The following LARS2 variants were observed in gnomAD, a reference collection of about 807,000 sequenced individuals.
The protein encoded by LARS2 is leucine--tRNA ligase, mitochondrial.
Under a neutral mutation model 116.6 loss-of-function variants are expected in LARS2, and 81 were observed. That is an observed-to-expected ratio of 0.69 (90% CI 0.58 to 0.84). LARS2 has a LOEUF of 0.84. Among genes scored for constraint, LARS2 ranks in the 40% least tolerant of loss-of-function variants. LARS2 has a pLI of 0.00. For missense variants in LARS2, 968 were observed against 1,114.5 expected, an observed-to-expected ratio of 0.87 and a Z score of 1.87; for synonymous variants, 396 against 407.2, an observed-to-expected ratio of 0.97 and a Z score of 0.33.
intron 8 of LARS2, among the ~76,000 whole-genome samples, chr3:45,465,901 C>T (rs375207897): frequency 3.9e-5 from 6 of 152,260 alleles, no homozygotes; most frequent in African/African-American, 1.4e-4. Context: ...CTCCACTGTC[C>T]GTCCCTGTCA....
intron 5 of LARS2, among the ~76,000 whole-genome samples, chr3:45,418,249 A>T (rs1233197807): frequency 6.6e-6 from 1 of 152,108 alleles, no homozygotes; most frequent in African/African-American, 2.4e-5. Flanking sequence ...GCCACCCCTT[A>T]GAGAGACAGA....
chr3:45,465,265 C>G (rs1699400569), intron 8 of LARS2, among the ~76,000 whole-genome samples: 2 of 152,316 alleles, frequency 1.3e-5, no homozygotes, highest in Non-Finnish European at 2.9e-5. Flanking sequence ...TCTGTTTTCC[C>G]TGCCTCTCCA....
At chr3:45,486,912 G>A (rs978950987) in intron 11 of LARS2, among the ~76,000 whole-genome samples, 4 of 151,978 alleles carry the variant, frequency 2.6e-5, no homozygotes, top group Non-Finnish European at 4.4e-5. Context: ...GAAAAAAATC[G>A]GATTTTTTTA....
intron 6 of LARS2, among the ~76,000 whole-genome samples, chr3:45,444,823 A>G (rs1698991582): frequency 6.6e-6 from 1 of 150,758 alleles, no homozygotes; most frequent in Admixed American, 6.6e-5. Flanking sequence ...TTACATATAT[A>G]ATATATATTA....
At chr3:45,465,904 C>T (rs534403986) in intron 8 of LARS2, among the ~76,000 whole-genome samples, 1 of 152,286 alleles carries the variant, frequency 6.6e-6, no homozygotes, top group South Asian at 2.1e-4. Context: ...CACTGTCCGT[C>T]CCTGTCAGGG....
chr3:45,443,128 T>C (rs1448474183), intron 6 of LARS2, among the ~76,000 whole-genome samples: 2 of 152,192 alleles, frequency 1.3e-5, no homozygotes, highest in Non-Finnish European at 2.9e-5. Flanking sequence ...GGTTGAGCAC[T>C]CTTCCTTTAG....
At chr3:45,486,488 T>C (rs1409434822) in intron 11 of LARS2, among the ~76,000 whole-genome samples, 1 of 152,210 alleles carries the variant, frequency 6.6e-6, no homozygotes, top group Non-Finnish European at 1.5e-5. Flanking sequence ...TGTGCATTTT[T>C]CATTCCAACA....
In LARS2 at chr3:45,548,394, A is replaced by T. The variant is rs1387764517; in HGVS notation, c.*864A>T. 1 of 152,288 alleles carries T rather than the reference A, an allele frequency of 6.6e-6. No homozygotes were observed. The highest frequency in any genetic ancestry group is 1.5e-5 in the Non-Finnish European group (1 of 68,082). The allele number at this position is 152,288 out of a possible 1,614,324, so 9.4% of individuals were successfully genotyped here. ...AGAGCCCCACCGCAGCCCAGTAGGG[A>T]TGCAGCACGCCCCAGAGGGCTCATG... On this transcript the variant is annotated 3_prime_UTR_variant, in exon 22 of 22. Transcript: ENST00000645846.
In LARS2 at chr3:45,505,071, A is replaced by G. The variant is rs192662370; in HGVS notation, c.1760+4492A>G. On this transcript the variant is annotated intron_variant, in intron 15 of 21. Coordinates refer to ENST00000645846, the MANE Select transcript of LARS2 (RefSeq NM_015340.4). ...ACTCCAGCTTGGGTGACAGAACAAG[A>G]CTCTGTCTAAAAATTAAAAAAAAAA... Among the ~76,000 whole-genome samples the G allele has an allele frequency of 9.8e-4, 148 of 150,822 alleles. 1 individual carries two copies. The highest frequency in any genetic ancestry group is 3.4e-3 in the Middle Eastern group (1 of 292).
intron 6 of LARS2, among the ~76,000 whole-genome samples, chr3:45,435,669 C>T (rs1184744004): frequency 1.3e-5 from 2 of 148,944 alleles, no homozygotes; most frequent in Admixed American, 1.3e-4. Context: ...TTTTTCTTTT[C>T]TCTGTACTCA....
At chr3:45,470,177 T>A (rs944418925) in intron 8 of LARS2, among the ~76,000 whole-genome samples, 1 of 152,198 alleles carries the variant, frequency 6.6e-6, no homozygotes, top group Non-Finnish European at 1.5e-5. Context: ...TCATTTGTGG[T>A]CATGTCGTAC....
intron 6 of LARS2, among the ~76,000 whole-genome samples, chr3:45,444,151 C>A (rs1376635210): frequency 2.0e-5 from 3 of 149,134 alleles, no homozygotes; most frequent in African/African-American, 7.4e-5. Flanking sequence ...ACTACAGGTG[C>A]CCACCACCAT....
chr3:45,518,102 C>T (rs1700400108), intron 18 of LARS2, 30 bp downstream of exon 18: 2 of 1,573,896 alleles, frequency 1.3e-6, no homozygotes, highest in African/African-American at 1.4e-5. Context: ...CAGGGGTTAA[C>T]TCTGTAACCA....
At chr3:45,482,844 T>G (rs1376431761) in intron 10 of LARS2, among the ~76,000 whole-genome samples, 2 of 152,214 alleles carry the variant, frequency 1.3e-5, no homozygotes, top group Non-Finnish European at 2.9e-5. Context: ...TTAGGGCAGT[T>G]ATCCTCTGTC....
At chr3:45,469,135 A>G (rs1231822737) in intron 8 of LARS2, among the ~76,000 whole-genome samples, 2 of 152,216 alleles carry the variant, frequency 1.3e-5, no homozygotes, top group East Asian at 1.9e-4. Flanking sequence ...CAGCACCTGC[A>G]TTGGAATTGA....
chr3:45,436,650 C>T (rs4383560), intron 6 of LARS2, among the ~76,000 whole-genome samples: 107,405 of 151,054 alleles, frequency 0.71, 39,774 homozygotes, highest in East Asian at 0.97. Flanking sequence ...AAAAATTAGC[C>T]GGGCGCGGTG....
chr3:45,440,787 A>C (rs1280861929), intron 6 of LARS2, among the ~76,000 whole-genome samples: 1 of 152,116 alleles, frequency 6.6e-6, no homozygotes, highest in Non-Finnish European at 1.5e-5. Context: ...GCCAGAGCTG[A>C]CTGGGAGCAG....
chr3:45,466,428 A>T (rs1699426819), intron 8 of LARS2, among the ~76,000 whole-genome samples: 1 of 152,194 alleles, frequency 6.6e-6, no homozygotes, highest in Admixed American at 6.5e-5. Flanking sequence ...ACATAAAAGC[A>T]AATAAACAGA....
chr3:45,468,634 G>C (rs1229358838), intron 8 of LARS2, among the ~76,000 whole-genome samples: 1 of 152,204 alleles, frequency 6.6e-6, no homozygotes, highest in Non-Finnish European at 1.5e-5. Context: ...AGAACCTGTA[G>C]TCACCTTCTC....
Sources: gnomAD v4.1 joint callset for allele counts (sites outside exome capture counted in the v4.1 genomes callset) on GRCh38, gnomAD v4.1.1 for gene constraint, MANE v1.5 for transcripts, NCBI Gene and HGNC (gene_info 2026-07-23, HGNC 2026-07-21) for gene names.